The following ESRRG variants were observed in gnomAD, a reference collection of about 807,000 sequenced individuals.
The protein encoded by ESRRG is estrogen related receptor gamma.
ESRRG carries 13 observed loss-of-function variants against 44.0 expected under a neutral mutation model. The ratio of observed to expected loss-of-function variants is 0.30; its 90% CI spans 0.19 to 0.47. The LOEUF is 0.47. ESRRG is among the 20% of genes least tolerant of loss of function. The probability of loss-of-function intolerance (pLI) is 1.00; values close to 1 mark genes in which losing one functional copy is unlikely to be tolerated. For synonymous variants in ESRRG, 215 were observed against 214.6 expected, an observed-to-expected ratio of 1.00 and a Z score of -0.02; for missense variants, 395 against 580.6, an observed-to-expected ratio of 0.68 and a Z score of 3.29.
intron 2 of ESRRG, among the ~76,000 whole-genome samples, chr1:216,877,909 G>T (rs539160245): frequency 6.6e-6 from 1 of 151,968 alleles, no homozygotes; most frequent in Non-Finnish European, 1.5e-5. Context: ...GTATCCATTC[G>T]TCCAGTGATG....
Position 216,927,847 on chromosome 1 carries a change from A to G in ESRRG, c.-14+11735T>C, listed in dbSNP as rs140794716. On this transcript the variant is annotated intron_variant, in intron 2 of 7. Transcript: ENST00000359162. ...ATTCTTACTGGTGTACTTTAACCCA[A>G]GAGAACTTAGAGCAGACAATTCAAA... Among the ~76,000 whole-genome samples, 475 of 152,356 alleles carry G rather than the reference A, an allele frequency of 3.1e-3. 3 individuals carry two copies. Among genetic ancestry groups the G allele is most frequent in the African/African-American group, 0.011 (448 of 41,596 alleles).
chr1:217,137,682 GCTCCAATTGCT>G (rs984549831), exon 1 of ESRRG: 1 of 152,614 alleles, frequency 6.6e-6, no homozygotes, highest in Non-Finnish European at 1.5e-5. Flanking sequence ...CGGCCTTCCC[GCTCCAATTGCT>G]GACCCGTTTA....
intron 1 of ESRRG, among the ~76,000 whole-genome samples, chr1:216,985,043 G>T (rs1188993368): frequency 6.6e-6 from 1 of 152,254 alleles, no homozygotes; most frequent in East Asian, 1.9e-4. Context: ...TCCAGTTTCA[G>T]AATCACGGCT....
intron 1 of ESRRG, among the ~76,000 whole-genome samples, chr1:216,685,516 C>G (rs920046163): frequency 1.4e-4 from 22 of 152,176 alleles, no homozygotes; most frequent in African/African-American, 5.1e-4. Context: ...CAGAAGGGGA[C>G]TGACAGCTAA....
At chr1:217,120,557 C>T (rs917167363) in intron 1 of ESRRG, among the ~76,000 whole-genome samples, 7 of 152,028 alleles carry the variant, frequency 4.6e-5, no homozygotes, top group African/African-American at 1.4e-4. Context: ...CTTAACATGA[C>T]TTATGACGTT....
chr1:217,119,039 ATAGATAG>A (rs2092781038), intron 1 of ESRRG, among the ~76,000 whole-genome samples: 1 of 151,540 alleles, frequency 6.6e-6, no homozygotes, highest in Non-Finnish European at 1.5e-5. Flanking sequence ...AGATAGATAG[ATAGATAG>A]ATAGAGACAC....
At chr1:216,687,049 G>GTC (rs201155583) in intron 1 of ESRRG, among the ~76,000 whole-genome samples, 1,880 of 86,752 alleles carry the variant, frequency 0.022, 29 homozygotes, top group African/African-American at 0.079. Flanking sequence ...GTGTGTGTCT[G>GTC]TGTGTGTGTG....
At chr1:216,983,750 A>G (rs978333101) in intron 1 of ESRRG, among the ~76,000 whole-genome samples, 1 of 151,918 alleles carries the variant, frequency 6.6e-6, no homozygotes, top group Non-Finnish European at 1.5e-5. Context: ...CCAAAAAGTC[A>G]GTAATATGTA....
At chr1:216,998,358 A>T (rs1316755215) in intron 1 of ESRRG, among the ~76,000 whole-genome samples, 7 of 152,226 alleles carry the variant, frequency 4.6e-5, no homozygotes, top group Non-Finnish European at 1.0e-4. Flanking sequence ...TTGAATGTTA[A>T]CAACATTCTT....
chr1:216,529,343 T>G (rs4846514), intron 5 of ESRRG, among the ~76,000 whole-genome samples: 1 of 152,170 alleles, frequency 6.6e-6, no homozygotes, highest in Non-Finnish European at 1.5e-5. Flanking sequence ...GAGTTTGGAT[T>G]CATGAGAAAA....
intron 1 of ESRRG, among the ~76,000 whole-genome samples, chr1:217,049,402 T>G (rs1274577517): frequency 1.3e-5 from 2 of 152,192 alleles, no homozygotes; most frequent in Non-Finnish European, 2.9e-5. Context: ...ATTTGGTAAT[T>G]GCTGACTTAT....
chr1:217,040,614 T>G (rs2083688953), intron 1 of ESRRG, among the ~76,000 whole-genome samples: 1 of 148,838 alleles, frequency 6.7e-6, no homozygotes, highest in African/African-American at 2.6e-5. Flanking sequence ...CTATTAAAAT[T>G]TTTTTCCTAT....
intron 2 of ESRRG, among the ~76,000 whole-genome samples, chr1:216,913,111 C>CAAAAAAAAAAAAAAAAAAAA (rs36067159): frequency 1.6e-5 from 1 of 62,814 alleles, no homozygotes; most frequent in Non-Finnish European, 3.5e-5. Flanking sequence ...GACTCTGTCT[C>CAAAAAAAAAAAAAAAAAAAA]AAAAAAAAAA....
At chr1:217,133,686 A>ATTCTTTCTTTCTTTCTTT (rs2093006641) in intron 1 of ESRRG, among the ~76,000 whole-genome samples, 1 of 38,906 alleles carries the variant, frequency 2.6e-5, no homozygotes, top group African/African-American at 6.8e-5. Flanking sequence ...TTTCTTTCTA[A>ATTCTTTCTTTCTTTCTTT]CTGTGCTTTT....
At chr1:216,888,147 C>T (rs900903591) in intron 2 of ESRRG, among the ~76,000 whole-genome samples, 2 of 152,136 alleles carry the variant, frequency 1.3e-5, no homozygotes, top group Non-Finnish European at 2.9e-5. Context: ...TATTTTACTT[C>T]TATTTCAAGA....
chr1:217,106,433 C>T (rs1011185368), intron 1 of ESRRG, among the ~76,000 whole-genome samples: 6 of 151,452 alleles, frequency 4.0e-5, no homozygotes, highest in Admixed American at 4.0e-4. Context: ...CTGGTCTCAG[C>T]CTTTTTATTT....
chr1:216,927,762 G>A (rs137998204), intron 2 of ESRRG, among the ~76,000 whole-genome samples: 189 of 152,192 alleles, frequency 1.2e-3, no homozygotes, highest in African/African-American at 4.2e-3. Context: ...ACCGCGGGAC[G>A]GGGCTCCCAG....
intron 1 of ESRRG, among the ~76,000 whole-genome samples, chr1:217,051,026 T>G (rs17045075): frequency 0.061 from 9,314 of 152,076 alleles, 328 homozygotes; most frequent in African/African-American, 0.082. Context: ...TTTTAAGGCA[T>G]GCACATAGAC....
At chr1:216,835,233 T>C (rs2095545762) in intron 2 of ESRRG, among the ~76,000 whole-genome samples, 1 of 152,146 alleles carries the variant, frequency 6.6e-6, no homozygotes, top group African/African-American at 2.4e-5. Context: ...AACTGAGCAA[T>C]GAGTGATTCA....
Sources: allele counts gnomAD v4.1 joint callset (sites outside exome capture counted in the v4.1 genomes callset), GRCh38; gene constraint gnomAD v4.1.1; transcripts MANE v1.5; gene names NCBI Gene and HGNC (gene_info 2026-07-23, HGNC 2026-07-21).